The following POU6F2 variants were observed in gnomAD, a reference collection of about 807,000 sequenced individuals.
The protein encoded by POU6F2 is POU class 6 homeobox 2, also known as POU domain, class 6, transcription factor 2.
Under a neutral mutation model 71.3 loss-of-function variants are expected in POU6F2, and 31 were observed. That is an observed-to-expected ratio of 0.43 (90% confidence interval 0.33 to 0.59). The LOEUF (loss-of-function observed/expected upper bound fraction) is 0.59. POU6F2 is among the 20% of genes least tolerant of loss of function. The pLI is 0.04. For synonymous variants in POU6F2, 347 were observed against 355.7 expected, an observed-to-expected ratio of 0.98 and a Z score of 0.27; for missense variants, 783 against 856.8, an observed-to-expected ratio of 0.91 and a Z score of 1.07.
At chr7:39,085,075 C>T (rs1791208773) in intron 1 of POU6F2, 1 of 152,026 alleles carries the variant, frequency 6.6e-6, no homozygotes, top group Non-Finnish European at 1.5e-5. Context: ...TTTTCTTTTT[C>T]TTTAATGCTC....
chr7:39,443,198 T>C (rs559739585), intron 7 of POU6F2, among the ~76,000 whole-genome samples: 1 of 152,252 alleles, frequency 6.6e-6, no homozygotes, highest in Non-Finnish European at 1.5e-5. Context: ...CACTGCAGGA[T>C]TGGAGATTAG....
At chr7:39,226,535 T>C (rs1191705878) in intron 4 of POU6F2, among the ~76,000 whole-genome samples, 1 of 152,236 alleles carries the variant, frequency 6.6e-6, no homozygotes, top group African/African-American at 2.4e-5. Flanking sequence ...AGGTAATGTC[T>C]AAGAAAGACC....
intron 4 of POU6F2, among the ~76,000 whole-genome samples, chr7:39,228,540 G>T (rs182697963): frequency 6.6e-6 from 1 of 152,150 alleles, no homozygotes; most frequent in Non-Finnish European, 1.5e-5. Context: ...TAGGGAAAAG[G>T]TCACGGATCT....
intron 5 of POU6F2, among the ~76,000 whole-genome samples, chr7:39,351,380 G>A (rs57555670): frequency 0.015 from 2,346 of 152,234 alleles, 64 homozygotes; most frequent in African/African-American, 0.054. Context: ...TCAGCCACCT[G>A]GGCCCCTCCC....
chr7:39,313,814 T>G (rs1185628325), intron 4 of POU6F2, among the ~76,000 whole-genome samples: 1 of 152,138 alleles, frequency 6.6e-6, no homozygotes, highest in Non-Finnish European at 1.5e-5. Flanking sequence ...AAAGGTAAAT[T>G]TTTCCGTTTT....
In POU6F2 at chr7:39,329,235, T is replaced by C. The variant is rs535572776; in HGVS notation, c.599-10407T>C. On this transcript the variant is annotated intron_variant, in intron 4 of 9. Transcript: ENST00000518318. ...TACATGGTATATATTATTGTAAATA[T>C]ATATAATTGTATAATATATAATAAA... 3.4e-5 allele frequency: 5 copies of C among 148,314 alleles called. 1 individual carries two copies. Among genetic ancestry groups the C allele is most frequent in the African/African-American group, 1.2e-4 (5 of 40,876 alleles). 9.2% of individuals were successfully genotyped at this position (148,314 alleles called of 1,614,324 possible).
intron 4 of POU6F2, among the ~76,000 whole-genome samples, chr7:39,336,516 G>C (rs775819949): frequency 3.5e-4 from 53 of 152,190 alleles, no homozygotes; most frequent in South Asian, 2.1e-4. Flanking sequence ...GCTGGGATGA[G>C]GATGGGTTTG....
chr7:39,258,031 T>A (rs1784059629), intron 4 of POU6F2, among the ~76,000 whole-genome samples: 1 of 152,184 alleles, frequency 6.6e-6, no homozygotes, highest in African/African-American at 2.4e-5. Flanking sequence ...TTCCCCCCAT[T>A]TCCTACAGAT....
intron 1 of POU6F2, among the ~76,000 whole-genome samples, chr7:39,024,288 A>G (rs1345390900): frequency 2.0e-5 from 3 of 151,896 alleles, no homozygotes; most frequent in Non-Finnish European, 4.4e-5. Context: ...GAGTTCACTC[A>G]TGATTTGGCT....
At chr7:39,378,288 C>T (rs1356466696) in intron 5 of POU6F2, among the ~76,000 whole-genome samples, 2 of 152,344 alleles carry the variant, frequency 1.3e-5, no homozygotes, top group Admixed American at 6.5e-5. Flanking sequence ...CCCACTGCCA[C>T]CATCCTGGGC....
intron 4 of POU6F2, among the ~76,000 whole-genome samples, chr7:39,239,969 T>C (rs1188900701): frequency 6.6e-6 from 1 of 152,164 alleles, no homozygotes; most frequent in Non-Finnish European, 1.5e-5. Flanking sequence ...CTGTTTTCTG[T>C]CACATCTCCA....
At position 39,339,706 on chromosome 7, in the gene POU6F2, G is replaced by T; in HGVS notation, c.663G>T (p.Gln221His). The T allele has an allele frequency of 1.9e-6, 3 of 1,604,548 alleles. No homozygotes were observed. The highest frequency in any genetic ancestry group is 2.5e-6 in the Non-Finnish European group (3 of 1,177,802). Residue 221 changes from glutamine (Q) to histidine (H), a missense_variant, in exon 5 of 10, where the codon CAG (glutamine) becomes CAT (histidine). By Grantham distance (24) the Gln-to-His change is conservative. This residue lies in a region of POU6F2 where 572 missense variants were observed against 572.9 expected (regional missense o/e 1.00). Transcript: ENST00000518318. Reference protein sequence around the residue: ...LQLQLQQQQQQQQQQPPPSTN... With the variant: ...LQLQLQQQQQHQQQQPPPSTN... ...TCCAGCTCCAGCAGCAGCAGCAGCA[G>T]CAGCAGCAGCAGCCTCCCCCGTCAA...
chr7:39,302,004 C>T (rs1462412561), intron 4 of POU6F2, among the ~76,000 whole-genome samples: 1 of 152,196 alleles, frequency 6.6e-6, no homozygotes, highest in East Asian at 1.9e-4. Context: ...TGTGCCAGCT[C>T]TGTGCCATTG....
chr7:39,403,111 G>A (rs1787341435), intron 5 of POU6F2, among the ~76,000 whole-genome samples: 1 of 152,202 alleles, frequency 6.6e-6, no homozygotes, highest in South Asian at 2.1e-4. Flanking sequence ...TGTTTTCAGA[G>A]CTGATGCCCT....
At chr7:39,034,462 T>C (rs1381752027) in intron 1 of POU6F2, 2 of 435,502 alleles carry the variant, frequency 4.6e-6, no homozygotes, top group African/African-American at 4.0e-5. Flanking sequence ...AATACTTTAT[T>C]ACATATCTAT....
chr7:39,160,036 G>A (rs1792960684), intron 2 of POU6F2, among the ~76,000 whole-genome samples: 1 of 152,104 alleles, frequency 6.6e-6, no homozygotes, highest in Non-Finnish European at 1.5e-5. Flanking sequence ...TGATGGTGTG[G>A]ACAGAAGTGG....
At chr7:39,384,498 T>G (rs780728419) in intron 5 of POU6F2, among the ~76,000 whole-genome samples, 3 of 152,222 alleles carry the variant, frequency 2.0e-5, no homozygotes, top group Non-Finnish European at 4.4e-5. Flanking sequence ...GTGTTTCTTT[T>G]TAACCAAAGT....
chr7:39,014,402 C>T (rs1165218320), intron 1 of POU6F2, among the ~76,000 whole-genome samples: 1 of 152,068 alleles, frequency 6.6e-6, no homozygotes, highest in Non-Finnish European at 1.5e-5. Flanking sequence ...GGTGAACATA[C>T]TGAAAAAGAA....
intron 2 of POU6F2, among the ~76,000 whole-genome samples, chr7:39,120,664 A>G (rs1792022034): frequency 6.6e-6 from 1 of 152,228 alleles, no homozygotes; most frequent in African/African-American, 2.4e-5. Context: ...CATGAAATCA[A>G]TGTAGTAGGT....
Sources: allele counts gnomAD v4.1 joint callset (sites outside exome capture counted in the v4.1 genomes callset), GRCh38; gene constraint gnomAD v4.1.1; regional missense constraint gnomAD v4.1.1; transcripts MANE v1.5; gene names NCBI Gene and HGNC (gene_info 2026-07-23, HGNC 2026-07-21).